The following ANO10 variants were observed in gnomAD, a reference collection of about 807,000 sequenced individuals.
ANO10 encodes anoctamin-10.
ANO10 carries 77 observed loss-of-function variants against 74.7 expected under a neutral mutation model. The observed-to-expected ratio is 1.03, with a 90% CI of 0.86 to 1.25. The LOEUF (loss-of-function observed/expected upper bound fraction) is 1.25. Ranked by LOEUF, ANO10 falls within the 50% of genes most tolerant of loss-of-function variation. The pLI, the probability that ANO10 is intolerant of heterozygous loss-of-function variation, is 0.00. For synonymous variants in ANO10, 279 were observed against 284.9 expected, an observed-to-expected ratio of 0.98 and a Z score of 0.21; for missense variants, 721 against 778.1, an observed-to-expected ratio of 0.93 and a Z score of 0.87.
At chr3:43,688,845 GAAAA>G (rs112066091) in intron 1 of ANO10, among the ~76,000 whole-genome samples, 1 of 113,154 alleles carries the variant, frequency 8.8e-6, no homozygotes, top group Non-Finnish European at 1.9e-5. Flanking sequence ...CTCCGTCTTA[GAAAA>G]AAAAAAAAAA....
At chr3:43,686,038 T>A (rs1030391567) in intron 1 of ANO10, among the ~76,000 whole-genome samples, 2 of 152,190 alleles carry the variant, frequency 1.3e-5, no homozygotes, top group African/African-American at 4.8e-5. Context: ...GCTCATCAGT[T>A]AATCAGAATC....
chr3:43,448,040 C>T (rs760821480), intron 11 of ANO10, among the ~76,000 whole-genome samples: 4 of 152,100 alleles, frequency 2.6e-5, no homozygotes, highest in African/African-American at 7.2e-5. Flanking sequence ...AAGGATGGAG[C>T]GACAATGATG....
intron 11 of ANO10, among the ~76,000 whole-genome samples, chr3:43,481,531 T>A (rs2076269461): frequency 6.6e-6 from 1 of 152,116 alleles, no homozygotes; most frequent in Non-Finnish European, 1.5e-5. Flanking sequence ...CATGCCTCAT[T>A]ATACCCTCCT....
At chr3:43,536,157 T>C (rs906492696) in intron 11 of ANO10, among the ~76,000 whole-genome samples, 12 of 152,218 alleles carry the variant, frequency 7.9e-5, no homozygotes, top group South Asian at 2.1e-4. Context: ...CAAAAGTAAA[T>C]GTAACATTCC....
intron 9 of ANO10, among the ~76,000 whole-genome samples, chr3:43,558,013 A>C (rs903458443): frequency 6.6e-6 from 1 of 150,982 alleles, no homozygotes; most frequent in African/African-American, 2.4e-5. Context: ...GCTGAGGTAG[A>C]AGGATCGCTT....
chr3:43,498,170 G>GT (rs2076978472), intron 11 of ANO10, among the ~76,000 whole-genome samples: 1 of 152,230 alleles, frequency 6.6e-6, no homozygotes, highest in Non-Finnish European at 1.5e-5. Context: ...TACAAAGTGT[G>GT]TATGTGCAGC....
At chr3:43,558,111 A>G (rs1010613834) in intron 9 of ANO10, among the ~76,000 whole-genome samples, 1 of 135,764 alleles carries the variant, frequency 7.4e-6, no homozygotes, top group Non-Finnish European at 1.5e-5. Context: ...GTCTCACCAG[A>G]AAAAAAAAAA....
At chr3:43,691,108 C>T (rs1417982899) in intron 1 of ANO10, 1 of 1,434,802 alleles carries the variant, frequency 7.0e-7, no homozygotes. Flanking sequence ...GGGTTAGGGC[C>T]CAGCGGGCAG....
chr3:43,386,271 T>TA (rs1035613268), intron 12 of ANO10, among the ~76,000 whole-genome samples: 4 of 149,870 alleles, frequency 2.7e-5, no homozygotes, highest in African/African-American at 9.9e-5. Flanking sequence ...CAATCTGAGA[T>TA]AAAATACTTT....
intron 11 of ANO10, among the ~76,000 whole-genome samples, chr3:43,468,283 A>G (rs545288147): frequency 6.6e-6 from 1 of 152,320 alleles, no homozygotes; most frequent in African/African-American, 2.4e-5. Flanking sequence ...TTCAGTCACC[A>G]TGGCATCCCC....
intron 1 of ANO10, among the ~76,000 whole-genome samples, chr3:43,631,703 C>T (rs1352296911): frequency 6.6e-6 from 1 of 150,766 alleles, no homozygotes; most frequent in Non-Finnish European, 1.5e-5. Flanking sequence ...ACCCAACTTA[C>T]CTCAATGAAT....
intron 5 of ANO10, among the ~76,000 whole-genome samples, chr3:43,579,148 C>T (rs1575472906): frequency 6.6e-6 from 1 of 151,766 alleles, no homozygotes; most frequent in South Asian, 2.1e-4. Context: ...AAAAACATAA[C>T]CAGACTAAAA....
At chr3:43,567,118 AG>A (rs1378540980) in intron 7 of ANO10, among the ~76,000 whole-genome samples, 14 of 152,286 alleles carry the variant, frequency 9.2e-5, no homozygotes, top group African/African-American at 3.1e-4. Context: ...TGAAGTGAGA[AG>A]GGAAGTTTAG....
intron 12 of ANO10, among the ~76,000 whole-genome samples, chr3:43,378,506 CTGTA>C (rs1346672663): frequency 1.3e-5 from 2 of 152,222 alleles, no homozygotes; most frequent in Non-Finnish European, 2.9e-5. Flanking sequence ...CATCTGAACA[CTGTA>C]TGGCCCTTTG....
At chr3:43,654,551 G>A (rs1172656256) in intron 1 of ANO10, among the ~76,000 whole-genome samples, 2 of 152,210 alleles carry the variant, frequency 1.3e-5, no homozygotes, top group Non-Finnish European at 2.9e-5. Context: ...GCAAGCATTA[G>A]ATGCTTGCCA....
At chr3:43,659,973 A>C (rs2083905898) in intron 1 of ANO10, among the ~76,000 whole-genome samples, 1 of 152,240 alleles carries the variant, frequency 6.6e-6, no homozygotes, top group South Asian at 2.1e-4. Context: ...GCAGATGTCC[A>C]CAGGACTCCG....
chr3:43,407,315 C>T lies in ANO10; in HGVS notation c.1914+25296G>A, dbSNP rs139910597. ...AGCTTGCATGGCTTTTCTGTGCCAGCGCGCAGACTGGAATTCAGACCACAG... is the reference window on the plus strand; with the variant it reads ...AGCTTGCATGGCTTTTCTGTGCCAGTGCGCAGACTGGAATTCAGACCACAG... On this transcript the variant is annotated intron_variant, in intron 12 of 12. Transcript: ENST00000292246. Among the ~76,000 whole-genome samples, 442 of 152,236 alleles carry T rather than the reference C, an allele frequency of 2.9e-3. 1 individual carries two copies. Among genetic ancestry groups the T allele is most frequent in the African/African-American group, 0.01 (426 of 41,538 alleles).
At chr3:43,629,836 A>C (rs541253432) in intron 1 of ANO10, among the ~76,000 whole-genome samples, 1 of 152,222 alleles carries the variant, frequency 6.6e-6, no homozygotes, top group Non-Finnish European at 1.5e-5. Context: ...GAGTCAGTAA[A>C]TAGGCCTCTG....
chr3:43,676,053 A>G (rs1017499022), intron 1 of ANO10, among the ~76,000 whole-genome samples: 1 of 152,192 alleles, frequency 6.6e-6, no homozygotes, highest in Non-Finnish European at 1.5e-5. Context: ...TAAACAAACT[A>G]TGGGTATATT....
Sources: allele counts gnomAD v4.1 joint callset (sites outside exome capture counted in the v4.1 genomes callset), GRCh38; gene constraint gnomAD v4.1.1; transcripts MANE v1.5; gene names NCBI Gene and HGNC (gene_info 2026-07-23, HGNC 2026-07-21).